Variants in FGD6 observed in about 807,000 individuals in gnomAD.
FGD6 encodes the protein FYVE, RhoGEF and PH domain containing 6.
Under a neutral mutation model 149.4 loss-of-function variants are expected in FGD6, and 90 were observed. That is an observed-to-expected ratio of 0.60 (90% CI 0.51 to 0.72). The LOEUF (loss-of-function observed/expected upper bound fraction) is 0.72. FGD6 is among the 30% of genes least tolerant of loss of function. The pLI, the probability that FGD6 is intolerant of heterozygous loss-of-function variation, is 0.00. For synonymous variants in FGD6, 527 were observed against 584.0 expected (o/e 0.90, Z 1.41); for missense variants, 1,437 against 1,684.8 (o/e 0.85, Z 2.57).
intron 14 of FGD6, among the ~76,000 whole-genome samples, 174 bp from the exon 15 acceptor site, chr12:95,094,868 A>G (rs1293148232): frequency 1.3e-5 from 2 of 152,226 alleles, no homozygotes; most frequent in African/African-American, 2.4e-5. Flanking sequence ...AGAACAGACA[A>G]CAGAGAACCC....
chr12:95,201,156 C>G (rs1392426132), intron 2 of FGD6, among the ~76,000 whole-genome samples: 1 of 152,026 alleles, frequency 6.6e-6, no homozygotes, highest in South Asian at 2.1e-4. Flanking sequence ...CAAGCACAGG[C>G]ATTACTTATG....
chr12:95,126,869 A>G (rs1366873766), intron 8 of FGD6, among the ~76,000 whole-genome samples: 3 of 152,264 alleles, frequency 2.0e-5, no homozygotes, highest in Non-Finnish European at 4.4e-5. Flanking sequence ...CGGAAGTTGC[A>G]GTGAGCTGAG....
intron 8 of FGD6, chr12:95,126,194 T>G: frequency 8.7e-7 from 1 of 1,149,860 alleles, no homozygotes; most frequent in Non-Finnish European, 1.3e-6. Flanking sequence ...AAGCACCTGT[T>G]GCTAAGGGTG....
intron 2 of FGD6, among the ~76,000 whole-genome samples, chr12:95,199,353 T>C (rs1223111918): frequency 6.6e-6 from 1 of 152,198 alleles, no homozygotes; most frequent in East Asian, 1.9e-4. Flanking sequence ...CAGACATATG[T>C]TAATTTCTCA....
Position 95,217,402 on chromosome 12 carries a change from C to A in FGD6, c.-162G>T. On this transcript the variant is annotated 5_prime_UTR_variant, in exon 1 of 21. Transcript: ENST00000343958. The stretch of plus-strand genomic sequence containing the variant: ...CCTGAGCGCCACACAAAGGACGCGG[C>A]CGACTCTAGCGACCCTGCGGCGCTC... The A allele has an allele frequency of 8.4e-7, 1 of 1,196,052 alleles. No homozygotes were observed. The highest frequency in any genetic ancestry group is 1.9e-5 in the South Asian group (1 of 53,024). 74.1% of individuals were successfully genotyped at this position (1,196,052 alleles called of 1,614,324 possible).
chr12:95,083,032 C>T (rs34600492), intron 20 of FGD6, among the ~76,000 whole-genome samples: 23,219 of 73,300 alleles, frequency 0.32, 3,639 homozygotes, highest in South Asian at 0.36. Flanking sequence ...TATATATATA[C>T]ACACACATAC....
chr12:95,140,835 G>C (rs1481250474), intron 6 of FGD6, among the ~76,000 whole-genome samples: 1 of 152,098 alleles, frequency 6.6e-6, no homozygotes. Context: ...ATTTAAATCG[G>C]CTGCATCTTG....
At chr12:95,126,138 G>C in intron 8 of FGD6, 1 of 1,040,546 alleles carries the variant, frequency 9.6e-7, no homozygotes. Flanking sequence ...CAAGAATGAA[G>C]TTAACAAGCT....
rs1472001546 is a variant in FGD6, at chr12:95,162,099, AC to A, written c.2587-9107del. On this transcript the variant is annotated intron_variant, in intron 3 of 20. Coordinates refer to ENST00000343958, the MANE Select transcript of FGD6 (RefSeq NM_018351.4). ...GACAACATAGTGACACCTGAAAAATACAAAAAAAAAAAAAAAAAAAGCCAGG... is the reference window on the plus strand; with the variant it reads ...GACAACATAGTGACACCTGAAAAATAAAAAAAAAAAAAAAAAAAAGCCAGG... Among the ~76,000 whole-genome samples the A allele has an allele frequency of 2.2e-3, 304 of 138,112 alleles. 8 individuals are homozygous for A. The highest frequency in any genetic ancestry group is 0.017 in the Admixed American group (245 of 14,012). 90.6% of individuals were successfully genotyped at this position (138,112 alleles called of 152,430 possible). A position where few individuals can be genotyped will look rare whatever the true frequency, so the allele number is the denominator to read the frequency against.
chr12:95,192,548 G>A (rs1407914709), intron 2 of FGD6, among the ~76,000 whole-genome samples: 1 of 152,198 alleles, frequency 6.6e-6, no homozygotes, highest in Non-Finnish European at 1.5e-5. Flanking sequence ...TCTGGGCACT[G>A]AGGACAAGGC....
At chr12:95,158,930 C>T (rs1240550386) in intron 3 of FGD6, among the ~76,000 whole-genome samples, 2 of 151,718 alleles carry the variant, frequency 1.3e-5, no homozygotes, top group Non-Finnish European at 2.9e-5. Context: ...GTGAGAAAAA[C>T]AGAAACCAAA....
Position 95,209,664 on chromosome 12 carries a change from G to A in FGD6, c.1620C>T (p.His540=). The A allele has an allele frequency of 6.2e-7, 1 of 1,613,278 alleles. No individual in the cohort carries two copies. The highest frequency in any genetic ancestry group is 8.5e-7 in the Non-Finnish European group (1 of 1,179,878). Residue 540 remains histidine (H), a synonymous_variant, in exon 2 of 21, where the codon CAC becomes CAT. Coordinates refer to ENST00000343958, the MANE Select transcript of FGD6 (RefSeq NM_018351.4). ...GGTTTTGGGCACACAAATGCTGAAG[G>A]TGATTTCTTTCTAGACTCTTCTCTG... is the stretch of plus-strand genomic sequence containing the variant. ...KSSEKSLERN[H]LQHLCAQNRG...
At position 95,089,571 on chromosome 12, in the gene FGD6, C is replaced by CT; in HGVS notation, c.3975dup (p.Glu1326ArgfsTer22). The CT allele has an allele frequency of 6.2e-7, 1 of 1,613,326 alleles. No individual in the cohort carries two copies. Reference sequence around the variant, plus strand: ...GCAAATTTAATGGAAACACTTACTTCTTTGAGAGCAGCTGGGATTTTTTTC... The same window carrying CT: ...GCAAATTTAATGGAAACACTTACTTCTTTTGAGAGCAGCTGGGATTTTTTTC... On this transcript the variant is annotated frameshift_variant, in exon 18 of 21. Transcript: ENST00000343958. LOFTEE classifies it high-confidence loss of function.
chr12:95,203,338 A>G lies in FGD6; in HGVS notation c.2441+5505T>C, dbSNP rs2056672470. ...GCACTTCTGGGCAAAGTTTCAAGGG[A>G]CAACAATCCACATTTCTGATTCCAC... is the stretch of plus-strand genomic sequence containing the variant. On this transcript the variant is annotated intron_variant, in intron 2 of 20. Coordinates refer to ENST00000343958, the MANE Select transcript of FGD6 (RefSeq NM_018351.4). Among the ~76,000 whole-genome samples, 2 of 152,212 alleles carry G rather than the reference A, an allele frequency of 1.3e-5. 1 individual carries two copies. Among genetic ancestry groups the G allele is most frequent in the African/African-American group, 4.8e-5 (2 of 41,456 alleles).
At chr12:95,140,167 T>C (rs1210799994) in intron 6 of FGD6, among the ~76,000 whole-genome samples, 1 of 152,214 alleles carries the variant, frequency 6.6e-6, no homozygotes, top group Non-Finnish European at 1.5e-5. Flanking sequence ...ATTCTAATCA[T>C]GTTGTGTTCC....
chr12:95,208,815 G>A (rs912092679), intron 2 of FGD6, 28 bp downstream of exon 2: 8 of 1,589,630 alleles, frequency 5.0e-6, no homozygotes, highest in South Asian at 1.2e-5. Context: ...AATGATGCAT[G>A]CAAAAGTGTC....
chr12:95,152,892 A>C, intron 4 of FGD6, 34 bp downstream of exon 4: 1 of 1,613,752 alleles, frequency 6.2e-7, no homozygotes, highest in Non-Finnish European at 8.5e-7. Flanking sequence ...AATGGGGGGA[A>C]AACAGTCTTC....
chr12:95,195,676 C>T (rs1353760368), intron 2 of FGD6, among the ~76,000 whole-genome samples: 5 of 125,286 alleles, frequency 4.0e-5, no homozygotes, highest in Admixed American at 8.2e-5. Flanking sequence ...TTGAAAGGGC[C>T]GGGCATGGTG....
chr12:95,163,664 C>T (rs1312311509), intron 3 of FGD6, among the ~76,000 whole-genome samples: 1 of 152,170 alleles, frequency 6.6e-6, no homozygotes, highest in Non-Finnish European at 1.5e-5. Context: ...AAAATGCAAA[C>T]TCGAATGAAC....
Sources: allele counts gnomAD v4.1 joint callset (sites outside exome capture counted in the v4.1 genomes callset), GRCh38; gene constraint gnomAD v4.1.1; transcripts MANE v1.5; gene names NCBI Gene and HGNC (gene_info 2026-07-23, HGNC 2026-07-21).